TRAF3IP1: variants seen among roughly 807,000 people sequenced by gnomAD.
The protein encoded by TRAF3IP1 is TRAF3-interacting protein 1.
In TRAF3IP1, 53 loss-of-function variants were observed where a neutral mutation model predicts 89.9. The ratio of observed to expected loss-of-function variants is 0.59; its 90% CI spans 0.47 to 0.74. The LOEUF is 0.74. TRAF3IP1 is among the 30% of genes least tolerant of loss of function. The pLI is 0.00. For synonymous variants in TRAF3IP1, 311 were observed against 322.1 expected (o/e 0.97, Z 0.37); for missense variants, 806 against 866.1 (o/e 0.93, Z 0.87).
chr2:238,367,450 T>C (rs1699931442), intron 15 of TRAF3IP1, among the ~76,000 whole-genome samples: 1 of 152,152 alleles, frequency 6.6e-6, no homozygotes, highest in Admixed American at 6.5e-5. Flanking sequence ...AATCTGTTAG[T>C]CATTAGGCCT....
intron 14 of TRAF3IP1, among the ~76,000 whole-genome samples, chr2:238,355,491 G>A (rs750188079): frequency 2.6e-5 from 4 of 152,208 alleles, no homozygotes; most frequent in South Asian, 2.1e-4. Flanking sequence ...TAGCCACGTC[G>A]TCCTCCACCG....
chr2:238,352,494 C>T (rs975486518), intron 12 of TRAF3IP1, among the ~76,000 whole-genome samples: 4 of 151,868 alleles, frequency 2.6e-5, no homozygotes, highest in African/African-American at 7.3e-5. Flanking sequence ...AGGGGAGAGG[C>T]GGAGGCCCTG....
chr2:238,393,460 G>A (rs1390774530), intron 15 of TRAF3IP1, among the ~76,000 whole-genome samples: 1 of 152,126 alleles, frequency 6.6e-6, no homozygotes, highest in East Asian at 1.9e-4. Context: ...ATTTGCAGTT[G>A]TTTTTGCTCA....
chr2:238,323,492 A>C (rs1381407869), intron 1 of TRAF3IP1, among the ~76,000 whole-genome samples: 3 of 152,240 alleles, frequency 2.0e-5, no homozygotes, highest in Non-Finnish European at 4.4e-5. Context: ...CTGTCATCTC[A>C]AGAAAAACAG....
intron 15 of TRAF3IP1, among the ~76,000 whole-genome samples, chr2:238,368,081 A>G (rs1302033237): frequency 3.3e-5 from 5 of 151,870 alleles, no homozygotes; most frequent in Non-Finnish European, 7.4e-5. Flanking sequence ...ACACACATGT[A>G]TTTTTCTAGT....
At chr2:238,356,922 G>A (rs113308223) in intron 15 of TRAF3IP1, among the ~76,000 whole-genome samples, 213 of 152,082 alleles carry the variant, frequency 1.4e-3, no homozygotes, top group African/African-American at 5.0e-3. Context: ...GGGACTACAG[G>A]TGCTCGACAC....
chr2:238,380,810 A>G (rs1485460526), intron 15 of TRAF3IP1, among the ~76,000 whole-genome samples: 1 of 152,254 alleles, frequency 6.6e-6, no homozygotes, highest in Non-Finnish European at 1.5e-5. Flanking sequence ...GAAGAATGCA[A>G]GAAAATGAGG....
Position 238,325,435 on chromosome 2 carries a change from G to T in TRAF3IP1, c.192+61G>T, listed in dbSNP as rs1249332289. Reference sequence around the variant, plus strand: ...GCCTTAACGGATGGGATTTTTTGTAGGCCTGGTAGTGTGGCTTGTGTCATT... The same window carrying T: ...GCCTTAACGGATGGGATTTTTTGTATGCCTGGTAGTGTGGCTTGTGTCATT... On this transcript the variant is annotated intron_variant, in intron 2 of 16. Coordinates refer to ENST00000373327, the MANE Select transcript of TRAF3IP1 (RefSeq NM_015650.4). 1.9e-6 allele frequency: 3 copies of T among 1,553,704 alleles called. No individual in the cohort carries two copies. In the African/African-American group the frequency reaches 4.1e-5, roughly 21 times the overall value.
At chr2:238,396,555 A>G (rs1416805736) in intron 15 of TRAF3IP1, among the ~76,000 whole-genome samples, 2 of 151,822 alleles carry the variant, frequency 1.3e-5, no homozygotes, top group African/African-American at 2.4e-5. Flanking sequence ...AAAAAAAAAA[A>G]GGAAAGAAGG....
At chr2:238,380,353 C>T (rs971628685) in intron 15 of TRAF3IP1, among the ~76,000 whole-genome samples, 3 of 152,194 alleles carry the variant, frequency 2.0e-5, no homozygotes, top group Admixed American at 6.5e-5. Flanking sequence ...ACGACTGATC[C>T]TGTTAAACCC....
intron 15 of TRAF3IP1, among the ~76,000 whole-genome samples, chr2:238,386,722 C>A (rs1700788998): frequency 6.6e-6 from 1 of 152,162 alleles, no homozygotes; most frequent in Admixed American, 6.5e-5. Flanking sequence ...AATTTTCAGA[C>A]CATTTTAAGG....
rs1430048654 is a variant in TRAF3IP1 at position 238,320,607 on chromosome 2, A to C, written c.-56A>C. 1.7e-6 allele frequency: 2 copies of C among 1,173,734 alleles called. No homozygotes were observed. The highest frequency in any genetic ancestry group is 4.3e-5 in the Admixed American group (1 of 23,440). 72.7% of individuals were successfully genotyped at this position (1,173,734 alleles called of 1,614,324 possible). A position where few individuals can be genotyped will look rare whatever the true frequency, so the allele number is the denominator to read the frequency against. On this transcript the variant is annotated 5_prime_UTR_variant, in exon 1 of 17. An upstream open reading frame in the 5' UTR loses its in-frame stop. Transcript: ENST00000373327. ...CGGCGGCGGCCAGGGACCCGGGCTT[A>C]GGCTCGGCCAGGCCGGCTGAGGGGC...
intron 1 of TRAF3IP1, among the ~76,000 whole-genome samples, chr2:238,321,534 T>C (rs1270987101): frequency 6.6e-6 from 1 of 152,032 alleles, no homozygotes; most frequent in Non-Finnish European, 1.5e-5. Flanking sequence ...TCTCTGTAGC[T>C]TTTTCCACTT....
intron 5 of TRAF3IP1, among the ~76,000 whole-genome samples, chr2:238,331,957 G>T (rs1490801146): frequency 6.6e-6 from 1 of 152,226 alleles, no homozygotes; most frequent in Admixed American, 6.5e-5. Flanking sequence ...TTGCGAAGAA[G>T]AGGTGAAATA....
chr2:238,384,069 C>G (rs77693847), intron 15 of TRAF3IP1, among the ~76,000 whole-genome samples: 29 of 152,024 alleles, frequency 1.9e-4, no homozygotes, highest in Admixed American at 1.4e-3. Context: ...CTTGCAGGGC[C>G]CCCCCCATCT....
chr2:238,354,387 AAG>A (rs1476059836), intron 14 of TRAF3IP1, among the ~76,000 whole-genome samples: 1 of 152,218 alleles, frequency 6.6e-6, no homozygotes. Context: ...TTTTTAAAAT[AAG>A]AAAGTATATT....
At chr2:238,391,130 T>A (rs1700977891) in intron 15 of TRAF3IP1, among the ~76,000 whole-genome samples, 1 of 151,884 alleles carries the variant, frequency 6.6e-6, no homozygotes, top group Non-Finnish European at 1.5e-5. Flanking sequence ...AATTTTTGTA[T>A]TTTTTTTGTA....
At chr2:238,359,585 C>T (rs967166634) in intron 15 of TRAF3IP1, among the ~76,000 whole-genome samples, 2 of 151,986 alleles carry the variant, frequency 1.3e-5, no homozygotes, top group African/African-American at 2.4e-5. Flanking sequence ...AGTAGTATTT[C>T]ATTGTATGGA....
chr2:238,359,235 C>T (rs1699557537), intron 15 of TRAF3IP1, among the ~76,000 whole-genome samples: 2 of 152,162 alleles, frequency 1.3e-5, no homozygotes, highest in African/African-American at 2.4e-5. Flanking sequence ...TTTATTCTCC[C>T]AGTACAATGA....
Sources: gnomAD v4.1 joint callset for allele counts (sites outside exome capture counted in the v4.1 genomes callset) on GRCh38, gnomAD v4.1.1 for gene constraint, MANE v1.5 for transcripts, NCBI Gene and HGNC (gene_info 2026-07-23, HGNC 2026-07-21) for gene names.